TLL2: variants seen among roughly 807,000 people sequenced by gnomAD.
TLL2 encodes tolloid like 2.
A neutral mutation model predicts 123.0 loss-of-function variants in TLL2; 106 were observed. That is an observed-to-expected ratio of 0.86 (90% CI 0.74 to 1.01). The LOEUF is 1.01. Among genes scored for constraint, TLL2 ranks in the 50% least tolerant of loss-of-function variants. The pLI is 0.00. For missense variants in TLL2, 1,332 were observed against 1,336.7 expected, an observed-to-expected ratio of 1.00 and a Z score of 0.06; for synonymous variants, 494 against 516.8, an observed-to-expected ratio of 0.96 and a Z score of 0.60.
intron 3 of TLL2, among the ~76,000 whole-genome samples, chr10:96,434,499 TC>T (rs1846774231): frequency 6.6e-6 from 1 of 152,250 alleles, no homozygotes; most frequent in Non-Finnish European, 1.5e-5. Context: ...CAAGGATCAC[TC>T]ATGTTGTAGT....
intron 13 of TLL2, among the ~76,000 whole-genome samples, chr10:96,393,730 C>T (rs1052320077): frequency 2.2e-5 from 3 of 137,988 alleles, no homozygotes; most frequent in Admixed American, 6.9e-5. Flanking sequence ...CTTTTTTTTT[C>T]TTTTTTTTCT....
intron 2 of TLL2, among the ~76,000 whole-genome samples, chr10:96,452,574 CTT>C (rs1464262585): frequency 7.9e-5 from 12 of 152,178 alleles, no homozygotes; most frequent in African/African-American, 2.9e-4. Context: ...TGTTATTCCT[CTT>C]TTAAGGAGGA....
chr10:96,439,390 T>C (rs187815988), intron 3 of TLL2, among the ~76,000 whole-genome samples: 2 of 151,906 alleles, frequency 1.3e-5, no homozygotes, highest in Admixed American at 1.3e-4. Context: ...TGTCTAAAAC[T>C]TTTCAATAAA....
At chr10:96,466,720 T>G (rs1321646011) in intron 2 of TLL2, among the ~76,000 whole-genome samples, 2 of 152,232 alleles carry the variant, frequency 1.3e-5, no homozygotes, top group African/African-American at 4.8e-5. Flanking sequence ...TGGCTAGATA[T>G]GATCTAAGCA....
rs1209887859 is a variant in TLL2, at chr10:96,384,740, G to A, written c.2041C>T (p.Arg681Cys). 3 of 1,605,208 alleles carry A rather than the reference G, an allele frequency of 1.9e-6. No homozygotes were observed. Among genetic ancestry groups the A allele is most frequent in the South Asian group, 1.1e-5 (1 of 90,082 alleles). Residue 681 changes from arginine to cysteine, a missense_variant, in exon 16 of 21, where the codon CGC (arginine) becomes TGC (cysteine). Arg to Cys is a radical substitution (Grantham distance 180). Transcript: ENST00000357947. ...TTGGCGTCGGGGGACAGGCCGCTGC[G>A]CACCTCTACAAAGTCGTACTTACAG... The part of the protein sequence containing the change: ...DVCKYDFVEV[R>C]SGLSPDAKLH...
intron 2 of TLL2, among the ~76,000 whole-genome samples, chr10:96,456,572 A>T (rs1428827462): frequency 6.6e-6 from 1 of 152,258 alleles, no homozygotes; most frequent in Non-Finnish European, 1.5e-5. Context: ...ACCAGGAATC[A>T]GACCAGAAGT....
intron 7 of TLL2, among the ~76,000 whole-genome samples, chr10:96,418,262 G>C (rs1009604131): frequency 6.6e-6 from 1 of 152,158 alleles, no homozygotes; most frequent in Non-Finnish European, 1.5e-5. Flanking sequence ...AAGAAGAAAC[G>C]CTGGTGCTGG....
At chr10:96,374,955 T>G (rs1846122946) in intron 18 of TLL2, among the ~76,000 whole-genome samples, 2 of 51,312 alleles carry the variant, frequency 3.9e-5, no homozygotes, top group African/African-American at 1.6e-4. Context: ...GACAGGACAT[T>G]AGTTGCGGGG....
At chr10:96,382,074 C>CT (rs554760534) in intron 16 of TLL2, among the ~76,000 whole-genome samples, 1,779 of 148,390 alleles carry the variant, frequency 0.012, 18 homozygotes, top group Non-Finnish European at 0.018. Flanking sequence ...GAATTTCTTT[C>CT]TTTTTTTTTT....
chr10:96,476,216 T>TTATATATATATATA lies in TLL2; in HGVS notation c.286+4132_286+4133insTATATATATATATA, dbSNP rs1466849863. Among the ~76,000 whole-genome samples, 29 of 33,306 alleles carry TTATATATATATATA rather than the reference T, an allele frequency of 8.7e-4. 4 individuals are homozygous for TTATATATATATATA. The highest frequency in any genetic ancestry group is 1.3e-3 in the Non-Finnish European group (20 of 15,674). The allele number at this position is 33,306 out of a possible 152,430, so 21.9% of individuals were successfully genotyped here. On this transcript the variant is annotated intron_variant, in intron 2 of 20. Coordinates refer to ENST00000357947, the MANE Select transcript of TLL2 (RefSeq NM_012465.4). The stretch of plus-strand genomic sequence containing the variant: ...ATAAAGGTGTGGTTCCTTTTTAATT[T>TTATATATATATATA]TATATGTATATATATATATATATAT...
At chr10:96,455,489 G>A (rs1847004167) in intron 2 of TLL2, among the ~76,000 whole-genome samples, 1 of 152,154 alleles carries the variant, frequency 6.6e-6, no homozygotes, top group African/African-American at 2.4e-5. Flanking sequence ...GAGATAGGAG[G>A]TCAGCACAAG....
chr10:96,400,615 G>A (rs1846383806), intron 10 of TLL2, among the ~76,000 whole-genome samples: 1 of 152,198 alleles, frequency 6.6e-6, no homozygotes, highest in Non-Finnish European at 1.5e-5. Context: ...CCTGGCTAGG[G>A]AGCCTGAGTA....
chr10:96,503,933 C>G (rs930286963), intron 1 of TLL2, among the ~76,000 whole-genome samples: 9 of 152,158 alleles, frequency 5.9e-5, no homozygotes, highest in African/African-American at 1.9e-4. Flanking sequence ...GGCAGCCAGG[C>G]AAAGCTGGAG....
At chr10:96,481,101 G>A (rs1834096340) in intron 1 of TLL2, among the ~76,000 whole-genome samples, 1 of 151,884 alleles carries the variant, frequency 6.6e-6, no homozygotes, top group African/African-American at 2.4e-5. Flanking sequence ...TGGATATGCA[G>A]CATGGATTAA....
At chr10:96,377,643 T>C (rs1417011646) in intron 17 of TLL2, among the ~76,000 whole-genome samples, 1 of 152,186 alleles carries the variant, frequency 6.6e-6, no homozygotes, top group Non-Finnish European at 1.5e-5. Flanking sequence ...GAAAGCACGG[T>C]GGACTGTATC....
intron 13 of TLL2, among the ~76,000 whole-genome samples, chr10:96,394,389 C>G (rs1043911715): frequency 2.6e-5 from 4 of 152,182 alleles, no homozygotes; most frequent in East Asian, 1.9e-4. Flanking sequence ...AGGGGCCTGA[C>G]AGCAGAGAAG....
chr10:96,448,832 C>T lies in TLL2; in HGVS notation c.287-2664G>A, dbSNP rs1018898112. 1.7e-4 allele frequency among the ~76,000 whole-genome samples: 26 copies of T among 152,160 alleles called. No homozygotes were observed. In the Middle Eastern group the frequency reaches 0.01, roughly 60 times the overall value. On this transcript the variant is annotated intron_variant, in intron 2 of 20. Transcript: ENST00000357947. ...GGAAGAGACAAGGAGATGATGAGGT[C>T]AGCAGGCAGTGGAGGGTCTGGAGAA... is the stretch of plus-strand genomic sequence containing the variant.
chr10:96,496,667 C>G (rs1297326396), intron 1 of TLL2, among the ~76,000 whole-genome samples: 1 of 152,232 alleles, frequency 6.6e-6, no homozygotes, highest in African/African-American at 2.4e-5. Flanking sequence ...CACAGCTTGG[C>G]TTTCCCAGCA....
intron 10 of TLL2, 57 bp from the exon 11 acceptor site, chr10:96,397,359 C>T: frequency 7.0e-7 from 1 of 1,426,200 alleles, no homozygotes; most frequent in Non-Finnish European, 9.7e-7. Flanking sequence ...AAGGCACTGG[C>T]TTCAGGCTAG....
Sources: allele counts gnomAD v4.1 joint callset (sites outside exome capture counted in the v4.1 genomes callset), GRCh38; gene constraint gnomAD v4.1.1; transcripts MANE v1.5; gene names NCBI Gene and HGNC (gene_info 2026-07-23, HGNC 2026-07-21).